SNX29: variants seen among roughly 807,000 people sequenced by gnomAD.
SNX29 encodes sorting nexin-29.
In SNX29, 78 loss-of-function variants were observed where a neutral mutation model predicts 102.1. That is an observed-to-expected ratio of 0.76 (90% CI 0.64 to 0.92). The LOEUF (loss-of-function observed/expected upper bound fraction) is 0.92. Among genes scored for constraint, SNX29 ranks in the 40% least tolerant of loss-of-function variants. The pLI is 0.00. For missense variants in SNX29, 1,280 were observed against 1,061.7 expected (o/e 1.21, Z -2.86); for synonymous variants, 580 against 414.5 (o/e 1.40, Z -4.85).
At chr16:12,028,340 C>A (rs2057248621) in intron 4 of SNX29, among the ~76,000 whole-genome samples, 1 of 151,972 alleles carries the variant, frequency 6.6e-6, no homozygotes, top group African/African-American at 2.4e-5. Context: ...TTTTCTCAAC[C>A]CTTCAATAGA....
intron 18 of SNX29, chr16:12,443,065 G>T (rs1297542026): frequency 2.2e-6 from 1 of 455,738 alleles, no homozygotes; most frequent in Non-Finnish European, 4.4e-6. Flanking sequence ...CAGGCGTCCA[G>T]CCTGGTTTGA....
At chr16:12,393,505 T>C (rs909488020) in intron 16 of SNX29, among the ~76,000 whole-genome samples, 6 of 150,602 alleles carry the variant, frequency 4.0e-5, no homozygotes, top group Non-Finnish European at 4.4e-5. Flanking sequence ...AACAGGTGGG[T>C]GTGGTAAGCA....
intron 14 of SNX29, among the ~76,000 whole-genome samples, chr16:12,262,452 G>A (rs547137209): frequency 5.3e-5 from 8 of 152,310 alleles, no homozygotes; most frequent in South Asian, 2.1e-4. Flanking sequence ...AGACAGGCAC[G>A]AGGCTGTAGA....
At chr16:12,533,056 A>G (rs2076974515) in intron 20 of SNX29, among the ~76,000 whole-genome samples, 1 of 151,852 alleles carries the variant, frequency 6.6e-6, no homozygotes, top group South Asian at 2.1e-4. Flanking sequence ...AGGGGAAACG[A>G]TGGTGCCTTT....
At chr16:12,465,822 T>C (rs2087023638) in intron 18 of SNX29, among the ~76,000 whole-genome samples, 1 of 147,956 alleles carries the variant, frequency 6.8e-6, no homozygotes, top group Non-Finnish European at 1.5e-5. Context: ...ACTTGGGATA[T>C]CTTCCATTTG....
chr16:12,528,312 C>T (rs1055474953), intron 20 of SNX29, among the ~76,000 whole-genome samples: 5 of 152,150 alleles, frequency 3.3e-5, no homozygotes, highest in African/African-American at 4.8e-5. Context: ...ATTTTCCCGC[C>T]TCAGCCTCTG....
intron 15 of SNX29, among the ~76,000 whole-genome samples, chr16:12,296,705 T>C (rs1175857112): frequency 2.6e-5 from 4 of 152,230 alleles, no homozygotes; most frequent in South Asian, 4.1e-4. Flanking sequence ...ACAGGGATGG[T>C]TATACCATTA....
At chr16:12,468,115 G>T (rs1313554036) in intron 18 of SNX29, among the ~76,000 whole-genome samples, 1 of 147,794 alleles carries the variant, frequency 6.8e-6, no homozygotes, top group Non-Finnish European at 1.5e-5. Context: ...TGTTCCCTCT[G>T]CCCTGCCCTT....
At chr16:12,141,499 C>T (rs2054868037) in intron 13 of SNX29, among the ~76,000 whole-genome samples, 1 of 152,246 alleles carries the variant, frequency 6.6e-6, no homozygotes, top group African/African-American at 2.4e-5. Context: ...ACTCCGCAGA[C>T]AGAGCAGCGG....
intron 4 of SNX29, among the ~76,000 whole-genome samples, chr16:12,032,775 G>A (rs182322086): frequency 4.1e-4 from 62 of 151,884 alleles, no homozygotes; most frequent in African/African-American, 1.5e-3. Context: ...GCTATACCCT[G>A]TTGCATTCCC....
chr16:12,554,185 G>C (rs1027692513), intron 20 of SNX29, among the ~76,000 whole-genome samples: 5 of 152,176 alleles, frequency 3.3e-5, no homozygotes, highest in African/African-American at 1.2e-4. Flanking sequence ...ATAAGTTCTG[G>C]CTTAAACCAT....
chr16:12,387,887 A>G (rs2083391705), intron 16 of SNX29, among the ~76,000 whole-genome samples: 1 of 152,170 alleles, frequency 6.6e-6, no homozygotes, highest in African/African-American at 2.4e-5. Flanking sequence ...ACTGGTGGAA[A>G]TTAAACTCTA....
intron 14 of SNX29, among the ~76,000 whole-genome samples, chr16:12,202,139 C>T (rs1049197813): frequency 6.6e-6 from 1 of 152,130 alleles, no homozygotes; most frequent in Non-Finnish European, 1.5e-5. Flanking sequence ...TTATTACATT[C>T]TTGTGTAAAA....
chr16:11,978,511 C>T (rs1360516870), intron 1 of SNX29, among the ~76,000 whole-genome samples: 3 of 152,156 alleles, frequency 2.0e-5, no homozygotes, highest in African/African-American at 7.2e-5. Context: ...GTGAATATCA[C>T]GAGGTGCATT....
chr16:12,335,754 G>A (rs2081428497), intron 15 of SNX29, among the ~76,000 whole-genome samples: 1 of 151,894 alleles, frequency 6.6e-6, no homozygotes, highest in South Asian at 2.1e-4. Context: ...GCTAGACAGT[G>A]TGTTAAGTGC....
chr16:12,027,756 T>C (rs945776725), intron 4 of SNX29: 14 of 200,214 alleles, frequency 7.0e-5, no homozygotes, highest in Non-Finnish European at 1.3e-4. Context: ...ATTAATAATC[T>C]GTTTTAATTT....
At chr16:12,493,929 A>G (rs1285348348) in intron 19 of SNX29, among the ~76,000 whole-genome samples, 3 of 152,142 alleles carry the variant, frequency 2.0e-5, no homozygotes, top group Non-Finnish European at 2.9e-5. Context: ...CCAGTTACCG[A>G]TAAGACTGAT....
intron 13 of SNX29, among the ~76,000 whole-genome samples, chr16:12,176,730 A>C (rs1422547080): frequency 6.6e-6 from 1 of 152,152 alleles, no homozygotes; most frequent in African/African-American, 2.4e-5. Context: ...TACCCCATGG[A>C]TACCAAAGGA....
rs2079176226 is a variant in SNX29, at chr16:12,571,010, A to C, written c.*2381A>C. ...TGATCATGCACAGACCGTAGAGTCG[A>C]GTCATCTCGCAGATCCAGACCATCT... On this transcript the variant is annotated 3_prime_UTR_variant, in exon 21 of 21. Transcript: ENST00000566228. 1.3e-5 allele frequency: 3 copies of C among 232,752 alleles called. No individual in the cohort carries two copies. The highest frequency in any genetic ancestry group is 2.5e-5 in the Non-Finnish European group (3 of 117,718). The allele number at this position is 232,752 out of a possible 1,614,324, so 14.4% of individuals were successfully genotyped here.
Sources: gnomAD v4.1 joint callset for allele counts (sites outside exome capture counted in the v4.1 genomes callset) on GRCh38, gnomAD v4.1.1 for gene constraint, MANE v1.5 for transcripts, NCBI Gene and HGNC (gene_info 2026-07-23, HGNC 2026-07-21) for gene names.